OPCML: variants seen among roughly 807,000 people sequenced by gnomAD.
OPCML encodes opioid-binding protein/cell adhesion molecule.
OPCML carries 13 observed loss-of-function variants against 37.8 expected under a neutral mutation model. The observed-to-expected ratio is 0.34, with a 90% confidence interval of 0.22 to 0.55. The LOEUF (loss-of-function observed/expected upper bound fraction) is 0.55. Ranked by LOEUF, OPCML falls within the 20% of genes least tolerant of loss-of-function variation. OPCML has a pLI of 0.91. For synonymous variants in OPCML, 176 were observed against 168.8 expected, an observed-to-expected ratio of 1.04 and a Z score of -0.33; for missense variants, 341 against 435.6, an observed-to-expected ratio of 0.78 and a Z score of 1.93.
intron 1 of OPCML, among the ~76,000 whole-genome samples, chr11:133,099,216 T>C (rs1333959393): frequency 6.6e-6 from 1 of 151,544 alleles, no homozygotes; most frequent in African/African-American, 2.4e-5. Flanking sequence ...TGTTCATAAA[T>C]AGAGTCAATA....
intron 2 of OPCML, among the ~76,000 whole-genome samples, chr11:132,739,004 C>A (rs149522996): frequency 0.011 from 1,677 of 152,214 alleles, 20 homozygotes; most frequent in Non-Finnish European, 0.018. Flanking sequence ...CACCCGCTAA[C>A]CCCAGCACGT....
intron 1 of OPCML, among the ~76,000 whole-genome samples, chr11:133,369,744 C>G (rs1052291754): frequency 6.6e-6 from 1 of 151,904 alleles, no homozygotes; most frequent in Admixed American, 6.6e-5. Context: ...CCACACACAC[C>G]ATTATCAATT....
chr11:133,508,352 T>C (rs73025668), intron 1 of OPCML, among the ~76,000 whole-genome samples: 22,895 of 152,166 alleles, frequency 0.15, 4,053 homozygotes, highest in African/African-American at 0.43. Flanking sequence ...ACATTTTGAG[T>C]GAAAAGACTA....
chr11:133,031,287 C>T lies in OPCML; in HGVS notation c.62-88277G>A, dbSNP rs1947664078. On this transcript the variant is annotated intron_variant, in intron 1 of 7. Coordinates refer to ENST00000524381, the MANE Select transcript of OPCML (RefSeq NM_001012393.5). ...GGTTAAATAAGTGGATGAATGTGTG[C>T]ATGGGTGGATGGATAGATGGATGGG... is the stretch of plus-strand genomic sequence containing the variant. Among the ~76,000 whole-genome samples, 3 of 150,838 alleles carry T rather than the reference C, an allele frequency of 2.0e-5. No homozygotes were observed. In the South Asian group the frequency reaches 6.3e-4, roughly 32 times the overall value.
intron 1 of OPCML, among the ~76,000 whole-genome samples, chr11:133,463,805 T>A (rs1014319712): frequency 8.5e-5 from 13 of 152,100 alleles, no homozygotes; most frequent in African/African-American, 3.1e-4. Context: ...AATGATCAAA[T>A]ACAATGCTGA....
At chr11:132,473,618 G>T (rs2096144982) in intron 4 of OPCML, among the ~76,000 whole-genome samples, 2 of 152,126 alleles carry the variant, frequency 1.3e-5, no homozygotes, top group Non-Finnish European at 2.9e-5. Context: ...TTAAGCCTGG[G>T]AGTTCGAGAC....
At position 132,816,304 on chromosome 11, in the gene OPCML, G is replaced by A. The variant is rs138515617; in HGVS notation, c.146+126622C>T. 1.3e-3 allele frequency among the ~76,000 whole-genome samples: 191 copies of A among 152,234 alleles called. 2 individuals are homozygous for A. The South Asian group carries it at 0.014, about 11-fold the overall frequency. ...GCCAGATAATAAATCCTTTGGCTTT[G>A]AGGGGCATATGGTCTCTGTTGCAAA... On this transcript the variant is annotated intron_variant, in intron 2 of 7. Transcript: ENST00000524381.
At chr11:133,289,077 G>A (rs976391246) in intron 1 of OPCML, among the ~76,000 whole-genome samples, 4 of 152,142 alleles carry the variant, frequency 2.6e-5, no homozygotes, top group African/African-American at 4.8e-5. Flanking sequence ...TTTTGATGAA[G>A]AATAATGCAG....
In OPCML at chr11:133,108,688, T is replaced by C. The variant is rs191691065; in HGVS notation, c.62-165678A>G. ...CAGATCCCCTTTACTCTTCTGTTCATTGTCTGCAAGTATACCACACTTGCT... is the reference window on the plus strand; with the variant it reads ...CAGATCCCCTTTACTCTTCTGTTCACTGTCTGCAAGTATACCACACTTGCT... On this transcript the variant is annotated intron_variant, in intron 1 of 7. Transcript: ENST00000524381. Among the ~76,000 whole-genome samples, 359 of 152,288 alleles carry C rather than the reference T, an allele frequency of 2.4e-3. 4 individuals carry two copies. The highest frequency in any genetic ancestry group is 8.0e-3 in the African/African-American group (333 of 41,554).
intron 1 of OPCML, among the ~76,000 whole-genome samples, chr11:133,313,089 A>G (rs1943105915): frequency 6.6e-6 from 1 of 152,220 alleles, no homozygotes; most frequent in South Asian, 2.1e-4. Context: ...GGTATTTATC[A>G]CTATCTGATA....
At chr11:133,005,750 T>A in intron 1 of OPCML, 2 of 981,788 alleles carry the variant, frequency 2.0e-6, no homozygotes, top group Non-Finnish European at 2.4e-6. Context: ...CTTTTCTTTC[T>A]TTTTAAAAAT....
At chr11:132,422,364 A>G (rs1205267085) in intron 7 of OPCML, among the ~76,000 whole-genome samples, 1 of 152,208 alleles carries the variant, frequency 6.6e-6, no homozygotes. Context: ...TGGGGCTCAG[A>G]GAGAGAAGGA....
At chr11:133,054,400 C>T (rs1335607942) in intron 1 of OPCML, among the ~76,000 whole-genome samples, 1 of 152,104 alleles carries the variant, frequency 6.6e-6, no homozygotes, top group African/African-American at 2.4e-5. Flanking sequence ...TGTCACTGTA[C>T]CCCAGCCACA....
At chr11:133,047,352 C>T (rs1445489363) in intron 1 of OPCML, among the ~76,000 whole-genome samples, 1 of 152,228 alleles carries the variant, frequency 6.6e-6, no homozygotes, top group African/African-American at 2.4e-5. Flanking sequence ...TATGGCTTCT[C>T]AGCTGGTGTA....
At chr11:132,750,892 G>A (rs1260920972) in intron 2 of OPCML, among the ~76,000 whole-genome samples, 3 of 151,750 alleles carry the variant, frequency 2.0e-5, no homozygotes, top group African/African-American at 4.8e-5. Flanking sequence ...AGGCATTCCA[G>A]GTCTGCCTTC....
Position 132,657,339 on chromosome 11 carries a change from G to T in OPCML, c.147-20C>A, listed in dbSNP as rs1343931705. ...GTACACCTGCAGTGAGGCAGGGAGT[G>T]GTGGAGGGAGGAAGAAGGGAAAGAG... On this transcript the variant is annotated intron_variant, in intron 2 of 7. Transcript: ENST00000524381. 1 of 1,612,254 alleles carries T rather than the reference G, an allele frequency of 6.2e-7. No individual in the cohort carries two copies. Among genetic ancestry groups the T allele is most frequent in the African/African-American group, 1.3e-5 (1 of 75,024 alleles).
chr11:132,680,553 C>T (rs536773144), intron 2 of OPCML, among the ~76,000 whole-genome samples: 4 of 152,170 alleles, frequency 2.6e-5, no homozygotes, highest in Admixed American at 2.0e-4. Context: ...TGGCTGCAGG[C>T]GCAGTCAAGT....
intron 4 of OPCML, among the ~76,000 whole-genome samples, chr11:132,439,397 G>T (rs923734664): frequency 6.6e-6 from 1 of 152,182 alleles, no homozygotes; most frequent in Non-Finnish European, 1.5e-5. Context: ...CCTGGGTCTG[G>T]GTTAAGCCGG....
At chr11:132,969,885 T>A (rs920064918) in intron 1 of OPCML, among the ~76,000 whole-genome samples, 1 of 152,236 alleles carries the variant, frequency 6.6e-6, no homozygotes, top group Non-Finnish European at 1.5e-5. Flanking sequence ...TATGTCTGTT[T>A]GAAGTCTTTG....
Sources: allele counts gnomAD v4.1 joint callset (sites outside exome capture counted in the v4.1 genomes callset), GRCh38; gene constraint gnomAD v4.1.1; transcripts MANE v1.5; gene names NCBI Gene and HGNC (gene_info 2026-07-23, HGNC 2026-07-21).